Variants in KCNIP1 observed in about 807,000 individuals in gnomAD.
KCNIP1 encodes the protein A-type potassium channel modulatory protein KCNIP1.
A neutral mutation model predicts 33.0 loss-of-function variants in KCNIP1; 18 were observed. The ratio of observed to expected loss-of-function variants is 0.55; its 90% CI spans 0.38 to 0.81. KCNIP1 has a LOEUF of 0.81. KCNIP1 is among the 30% of genes least tolerant of loss of function. The pLI, the probability that KCNIP1 is intolerant of heterozygous loss-of-function variation, is 0.00. For synonymous variants in KCNIP1, 93 were observed against 98.3 expected (o/e 0.95, Z 0.32); for missense variants, 238 against 271.6 (o/e 0.88, Z 0.87).
chr5:170,461,101 CAAGGAGATGA>C (rs770258660), intron 1 of KCNIP1, among the ~76,000 whole-genome samples: 3 of 151,966 alleles, frequency 2.0e-5, no homozygotes, highest in Non-Finnish European at 2.9e-5. Flanking sequence ...TATACCTAAC[CAAGGAGATGA>C]AAGACCTCTA....
intron 1 of KCNIP1, among the ~76,000 whole-genome samples, chr5:170,400,324 C>CA (rs754431941): frequency 6.6e-6 from 1 of 152,152 alleles, no homozygotes; most frequent in Non-Finnish European, 1.5e-5. Context: ...GAAGGGGAAG[C>CA]AGGCACCTCT....
chr5:170,472,999 ATC>A (rs898771700), intron 1 of KCNIP1, among the ~76,000 whole-genome samples: 67 of 152,298 alleles, frequency 4.4e-4, no homozygotes, highest in Admixed American at 2.5e-3. Context: ...ACTTTAAGGA[ATC>A]TCCACACTGT....
intron 1 of KCNIP1, among the ~76,000 whole-genome samples, chr5:170,602,142 G>A (rs1333949561): frequency 2.6e-5 from 4 of 152,216 alleles, no homozygotes; most frequent in African/African-American, 9.7e-5. Flanking sequence ...TGTAAGACCA[G>A]CTCCTGTATA....
chr5:170,487,434 T>C (rs1757120907), intron 1 of KCNIP1, among the ~76,000 whole-genome samples: 2 of 151,894 alleles, frequency 1.3e-5, no homozygotes, highest in Admixed American at 6.6e-5. Flanking sequence ...TCACATACCG[T>C]AGCATAAAAT....
chr5:170,399,348 G>C (rs1037656849), intron 1 of KCNIP1, among the ~76,000 whole-genome samples: 1 of 152,158 alleles, frequency 6.6e-6, no homozygotes, highest in Admixed American at 6.5e-5. Context: ...AACACGCTTT[G>C]TGAATGCCTG....
chr5:170,559,018 C>T (rs1756940765), intron 1 of KCNIP1, among the ~76,000 whole-genome samples: 2 of 152,228 alleles, frequency 1.3e-5, no homozygotes, highest in South Asian at 4.1e-4. Flanking sequence ...AGGCAGGCAT[C>T]TCAAGTATTT....
At chr5:170,616,231 TA>T (rs1759361737) in intron 1 of KCNIP1, among the ~76,000 whole-genome samples, 1 of 152,218 alleles carries the variant, frequency 6.6e-6, no homozygotes, top group African/African-American at 2.4e-5. Flanking sequence ...AAGATGATCA[TA>T]AATGTAGAAG....
At chr5:170,475,920 T>A (rs1756848574) in intron 1 of KCNIP1, among the ~76,000 whole-genome samples, 1 of 152,086 alleles carries the variant, frequency 6.6e-6, no homozygotes, top group Admixed American at 6.5e-5. Context: ...TGGCCCATGC[T>A]TTTTCTGGGG....
intron 1 of KCNIP1, among the ~76,000 whole-genome samples, chr5:170,514,348 G>A (rs996504890): frequency 6.6e-6 from 1 of 152,166 alleles, no homozygotes; most frequent in Admixed American, 6.5e-5. Context: ...GACTCTCCCA[G>A]ATGTCCAAAT....
intron 1 of KCNIP1, among the ~76,000 whole-genome samples, chr5:170,510,260 G>A (rs922961023): frequency 6.6e-6 from 1 of 152,328 alleles, no homozygotes; most frequent in South Asian, 2.1e-4. Flanking sequence ...TTGTCATTAT[G>A]GGTTTACACA....
intron 1 of KCNIP1, among the ~76,000 whole-genome samples, chr5:170,599,579 C>T (rs1012177470): frequency 5.3e-5 from 8 of 151,772 alleles, no homozygotes; most frequent in South Asian, 4.2e-4. Flanking sequence ...CCTCCCACCC[C>T]GAGATTCCAT....
At position 170,467,676 on chromosome 5, in the gene KCNIP1, G is replaced by A. The variant is rs574355008; in HGVS notation, c.88+113712G>A. On this transcript the variant is annotated intron_variant, in intron 1 of 7. Transcript: ENST00000377360. ...CTCACGCCTGTAATCCCAGGGCTTC[G>A]AGAGGCCGAGGCGGGTGGATCACCT... Among the ~76,000 whole-genome samples, 309 of 152,208 alleles carry A rather than the reference G, an allele frequency of 2.0e-3. 1 individual carries two copies. The highest frequency in any genetic ancestry group is 7.0e-3 in the African/African-American group (290 of 41,530).
chr5:170,487,268 A>G (rs1012199121), intron 1 of KCNIP1, among the ~76,000 whole-genome samples: 1 of 152,182 alleles, frequency 6.6e-6, no homozygotes, highest in African/African-American at 2.4e-5. Flanking sequence ...GTTTACCCAT[A>G]TTATGGAGAG....
At chr5:170,591,996 A>G (rs958464394) in intron 1 of KCNIP1, among the ~76,000 whole-genome samples, 2 of 152,160 alleles carry the variant, frequency 1.3e-5, no homozygotes, top group Non-Finnish European at 2.9e-5. Context: ...TGGTAATCCT[A>G]TTTTTAATTC....
chr5:170,377,879 G>A (rs943426391), intron 1 of KCNIP1: 5 of 152,300 alleles, frequency 3.3e-5, no homozygotes, highest in African/African-American at 1.2e-4. Flanking sequence ...GCCCAGAGGG[G>A]TTTTTAAGAT....
intron 1 of KCNIP1, among the ~76,000 whole-genome samples, chr5:170,379,623 C>T (rs1581127860): frequency 6.6e-6 from 1 of 152,262 alleles, no homozygotes. Context: ...GGATGTCAGG[C>T]CATCCAGAAG....
At chr5:170,686,580 C>A (rs545084144) in intron 1 of KCNIP1, among the ~76,000 whole-genome samples, 1 of 152,334 alleles carries the variant, frequency 6.6e-6, no homozygotes, top group South Asian at 2.1e-4. Context: ...CACAGCAGCC[C>A]ACCTTACACT....
At chr5:170,378,677 CA>C in intron 1 of KCNIP1, 1 of 1,576,864 alleles carries the variant, frequency 6.3e-7, no homozygotes, top group East Asian at 2.2e-5. Flanking sequence ...TGTGCCCTGA[CA>C]AGTGGTATGG....
chr5:170,479,485 A>G (rs1756926840), intron 1 of KCNIP1, among the ~76,000 whole-genome samples: 2 of 152,250 alleles, frequency 1.3e-5, no homozygotes, highest in Non-Finnish European at 2.9e-5. Flanking sequence ...ACATATATTT[A>G]ATAGAAGAAT....
Sources: gnomAD v4.1 joint callset for allele counts (sites outside exome capture counted in the v4.1 genomes callset) on GRCh38, gnomAD v4.1.1 for gene constraint, MANE v1.5 for transcripts, NCBI Gene and HGNC (gene_info 2026-07-23, HGNC 2026-07-21) for gene names.